DOCK11: variants seen among roughly 807,000 people sequenced by gnomAD.
DOCK11 encodes the protein dedicator of cytokinesis protein 11.
A neutral mutation model predicts 169.1 loss-of-function variants in DOCK11; 70 were observed. The observed-to-expected ratio is 0.41, with a 90% CI of 0.34 to 0.51. DOCK11 has a LOEUF of 0.51. DOCK11 is among the 20% of genes least tolerant of loss of function. The pLI is 0.10. For synonymous variants in DOCK11, 529 were observed against 541.3 expected, an observed-to-expected ratio of 0.98 and a Z score of 0.32; for missense variants, 1,166 against 1,538.8, an observed-to-expected ratio of 0.76 and a Z score of 4.05.
chrX:118,629,580 G>A (rs2015185553), intron 34 of DOCK11, among the ~76,000 whole-genome samples: 5 of 111,391 alleles, frequency 4.5e-5, no homozygotes, highest in Admixed American at 2.9e-4. Context: ...CTTTGTAGAG[G>A]TACTAATTTT....
chrX:118,607,086 C>T (rs1280085870), intron 24 of DOCK11, among the ~76,000 whole-genome samples: 1 of 104,643 alleles, frequency 9.6e-6, no homozygotes, highest in Non-Finnish European at 2.0e-5. Flanking sequence ...TTTCCTTTTC[C>T]CTTTCCCTTT....
At chrX:118,501,464 C>T (rs780233781) in intron 1 of DOCK11, among the ~76,000 whole-genome samples, 85 of 112,104 alleles carry the variant, frequency 7.6e-4, no homozygotes, top group African/African-American at 2.2e-3. Context: ...CCAGCCTAGG[C>T]GACACAGCGA....
intron 1 of DOCK11, among the ~76,000 whole-genome samples, chrX:118,532,546 C>T (rs2011617058): frequency 1.8e-5 from 2 of 108,862 alleles, no homozygotes; most frequent in Middle Eastern, 4.7e-3. Flanking sequence ...TTTGGGAGGC[C>T]GAGGCGGGTG....
chrX:118,618,615 C>A lies in DOCK11; in HGVS notation c.3358C>A (p.Leu1120Met). ...CKHHFLVGLLLRETSIALQDN... is the reference protein window; with the variant it reads ...CKHHFLVGLLMRETSIALQDN... The stretch of plus-strand genomic sequence containing the variant: ...GCATCACTTCTTGGTTGGTCTACTT[C>A]TGAGGGAAACTTCCATTGCTCTTCA... The change falls in exon 31 of 53, where the codon CTG becomes ATG. Residue 1120 changes from leucine (L) to methionine (M), a missense_variant. Leu to Met is a conservative substitution (Grantham distance 15). Transcript: ENST00000276202. The A allele has an allele frequency of 8.3e-7, 1 of 1,207,829 alleles. No homozygotes were observed. Among genetic ancestry groups the A allele is most frequent in the South Asian group, 1.8e-5 (1 of 56,774 alleles).
chrX:118,653,078 A>G, intron 42 of DOCK11, among the ~76,000 whole-genome samples: 1 of 112,147 alleles, frequency 8.9e-6, no homozygotes, highest in Non-Finnish European at 1.9e-5. Context: ...GAAACAAGTT[A>G]CACCACTTAT....
At chrX:118,516,646 G>T (rs1218446149) in intron 1 of DOCK11, among the ~76,000 whole-genome samples, 3 of 107,597 alleles carry the variant, frequency 2.8e-5, no homozygotes, top group Non-Finnish European at 5.7e-5. Flanking sequence ...TGTTGGCCAG[G>T]CTGGTCTCGA....
chrX:118,534,314 A>G (rs2011678086), intron 1 of DOCK11, among the ~76,000 whole-genome samples: 2 of 112,522 alleles, frequency 1.8e-5, no homozygotes, highest in South Asian at 7.3e-4. Flanking sequence ...TTTGCATAAT[A>G]TTTGAACTGG....
intron 6 of DOCK11, among the ~76,000 whole-genome samples, chrX:118,557,640 C>A (rs62609952): frequency 9.5e-6 from 1 of 104,921 alleles, no homozygotes; most frequent in African/African-American, 3.5e-5. Flanking sequence ...GGCGGGCGCC[C>A]GTAGTCCCAG....
intron 39 of DOCK11, among the ~76,000 whole-genome samples, chrX:118,643,052 A>G (rs1323391939): frequency 8.9e-6 from 1 of 111,996 alleles, no homozygotes; most frequent in Non-Finnish European, 1.9e-5. Flanking sequence ...CTAATAAAAT[A>G]GAACTGGTAT....
intron 40 of DOCK11, among the ~76,000 whole-genome samples, chrX:118,648,136 A>ATAAATTGTAATATTATATAAT (rs1226777370): frequency 2.5e-5 from 2 of 78,877 alleles, no homozygotes; most frequent in African/African-American, 9.8e-5. Context: ...TATATAATAT[A>ATAAATTGTAATATTATATAAT]ATATATAAAT....
At chrX:118,675,615 C>T (rs1445902107) in intron 46 of DOCK11, among the ~76,000 whole-genome samples, 2 of 109,397 alleles carry the variant, frequency 1.8e-5, no homozygotes, top group Non-Finnish European at 3.8e-5. Context: ...AGAGGATGGG[C>T]CAATAGGTGC....
chrX:118,641,370 A>G, intron 39 of DOCK11, 65 bp downstream of exon 39: 1 of 817,920 alleles, frequency 1.2e-6, no homozygotes, highest in African/African-American at 2.0e-5. Flanking sequence ...GAAATTACCT[A>G]GTCAATGTGG....
chrX:118,615,842 C>T, intron 30 of DOCK11, 131 bp downstream of exon 30: 2 of 513,611 alleles, frequency 3.9e-6, no homozygotes, highest in Non-Finnish European at 6.5e-6. Flanking sequence ...ATCTGAAGTC[C>T]ATTAATGTTT....
chrX:118,646,091 CA>C (rs1055517263), intron 40 of DOCK11, among the ~76,000 whole-genome samples: 1 of 90,483 alleles, frequency 1.1e-5, no homozygotes, highest in Non-Finnish European at 2.2e-5. Flanking sequence ...ACAACAACAA[CA>C]AAAAAACAGA....
Position 118,651,947 on chromosome X carries a change from T to G in DOCK11, c.4582-17T>G. On this transcript the variant is annotated splice_polypyrimidine_tract_variant and intron_variant, in intron 41 of 52. Transcript: ENST00000276202. Reference sequence around the variant, plus strand: ...TTCAAAAGTTATTTGGAAAATAATATTTACTTCTTCCCACAGATAATAATT... The same window carrying G: ...TTCAAAAGTTATTTGGAAAATAATAGTTACTTCTTCCCACAGATAATAATT... 1 of 1,122,250 alleles carries G rather than the reference T, an allele frequency of 8.9e-7. No homozygotes were observed. The highest frequency in any genetic ancestry group is 1.2e-6 in the Non-Finnish European group (1 of 821,609). The allele number at this position is 1,122,250 out of a possible 1,213,427, so 92.5% of individuals were successfully genotyped here. A position where few individuals can be genotyped will look rare whatever the true frequency, so the allele number is the denominator to read the frequency against.
chrX:118,578,513 C>T lies in DOCK11; in HGVS notation c.1390-12C>T, dbSNP rs1206242310. 1.7e-6 allele frequency: 2 copies of T among 1,203,761 alleles called. No homozygotes were observed. Among genetic ancestry groups the T allele is most frequent in the Non-Finnish European group, 2.2e-6 (2 of 891,611 alleles). ...TACATAAGAAAGTCTAACGGAAGTA[C>T]TTTTTTCCCAGGGAATTTTCTCAGT... On this transcript the variant is annotated splice_polypyrimidine_tract_variant and intron_variant, in intron 12 of 52. Transcript: ENST00000276202.
chrX:118,564,980 G>T (rs756610718), intron 7 of DOCK11, among the ~76,000 whole-genome samples: 3 of 109,477 alleles, frequency 2.7e-5, no homozygotes, highest in Non-Finnish European at 5.7e-5. Flanking sequence ...GTGTCGCCCC[G>T]GCTGGAGTGT....
intron 1 of DOCK11, among the ~76,000 whole-genome samples, chrX:118,522,531 T>G (rs1209323759): frequency 8.9e-6 from 1 of 112,153 alleles, no homozygotes; most frequent in South Asian, 3.7e-4. Flanking sequence ...ATCCAGAAGC[T>G]CAGAGCTTTT....
intron 30 of DOCK11, chrX:118,616,278 T>G: frequency 1.1e-6 from 1 of 902,393 alleles, no homozygotes; most frequent in Non-Finnish European, 1.4e-6. Flanking sequence ...TAGCTTGCTG[T>G]TTTAGAAAAC....
Sources: gnomAD v4.1 joint callset for allele counts (sites outside exome capture counted in the v4.1 genomes callset) on GRCh38, gnomAD v4.1.1 for gene constraint, MANE v1.5 for transcripts, NCBI Gene and HGNC (gene_info 2026-07-23, HGNC 2026-07-21) for gene names.